Variants in CSMD1 observed in about 807,000 individuals in gnomAD.
The protein encoded by CSMD1 is CUB and Sushi multiple domains 1.
In CSMD1, 213 loss-of-function variants were observed where a neutral mutation model predicts 417.5. That is an observed-to-expected ratio of 0.51 (90% CI 0.46 to 0.57). The LOEUF (loss-of-function observed/expected upper bound fraction) is 0.57. Ranked by LOEUF, CSMD1 falls within the 20% of genes least tolerant of loss-of-function variation. The probability of loss-of-function intolerance (pLI) is 0.00; values close to 1 mark genes in which losing one functional copy is unlikely to be tolerated. For synonymous variants in CSMD1, 2,862 were observed against 1,736.8 expected (o/e 1.65, Z -16.11); for missense variants, 6,923 against 4,529.7 (o/e 1.53, Z -15.17).
At chr8:3,488,377 G>A (rs529395381) in intron 11 of CSMD1, among the ~76,000 whole-genome samples, 2 of 151,870 alleles carry the variant, frequency 1.3e-5, no homozygotes, top group Non-Finnish European at 2.9e-5. Context: ...CAAAGTTCCG[G>A]GATTATAGGC....
intron 7 of CSMD1, among the ~76,000 whole-genome samples, chr8:3,697,937 G>A (rs1379995916): frequency 6.6e-6 from 1 of 152,026 alleles, no homozygotes; most frequent in Non-Finnish European, 1.5e-5. Context: ...TTCTTTAATT[G>A]TATGCTGAAA....
intron 17 of CSMD1, among the ~76,000 whole-genome samples, chr8:3,392,030 C>G (rs1235923272): frequency 6.8e-6 from 1 of 147,648 alleles, no homozygotes; most frequent in East Asian, 2.0e-4. Context: ...ACCTCATGTT[C>G]TCACTCATAG....
intron 5 of CSMD1, among the ~76,000 whole-genome samples, chr8:3,819,963 C>G (rs542187947): frequency 7.9e-5 from 12 of 152,232 alleles, no homozygotes; most frequent in African/African-American, 2.6e-4. Context: ...TCATCGTTTC[C>G]CGAATTGCTG....
At chr8:3,496,598 A>G (rs952106454) in intron 10 of CSMD1, among the ~76,000 whole-genome samples, 6 of 152,022 alleles carry the variant, frequency 3.9e-5, no homozygotes, top group African/African-American at 1.4e-4. Flanking sequence ...GAGGCCGAGG[A>G]GGGTGGGTCA....
chr8:4,771,285 T>C (rs764346311), intron 1 of CSMD1, among the ~76,000 whole-genome samples: 2 of 152,280 alleles, frequency 1.3e-5, no homozygotes, highest in Admixed American at 1.3e-4. Flanking sequence ...ATACCAATGT[T>C]CTCTACCATA....
chr8:3,331,237 C>CAAAAAAAAAAAAAAAAAAAAA (rs112278319), intron 23 of CSMD1, among the ~76,000 whole-genome samples: 8 of 128,518 alleles, frequency 6.2e-5, no homozygotes, highest in African/African-American at 2.2e-4. Flanking sequence ...GACTCCGTCT[C>CAAAAAAAAAAAAAAAAAAAAA]AAAAAAAAAA....
At position 3,520,019 on chromosome 8, in the gene CSMD1, C is replaced by CATATATA. The variant is rs1491479503; in HGVS notation, c.1345-26294_1345-26293insTATATAT. 3.5e-3 allele frequency among the ~76,000 whole-genome samples: 395 copies of CATATATA among 114,020 alleles called. 2 individuals are homozygous for CATATATA. Among genetic ancestry groups the CATATATA allele is most frequent in the African/African-American group, 0.015 (379 of 24,734 alleles). The allele number at this position is 114,020 out of a possible 152,430, so 74.8% of individuals were successfully genotyped here. On this transcript the variant is annotated intron_variant, in intron 10 of 69. Transcript: ENST00000635120. ...ATATATATGTGTGTGTGTGTATATACCTATATATATATATATATATACACG... is the reference window on the plus strand; with the variant it reads ...ATATATATGTGTGTGTGTGTATATACATATATACTATATATATATATATATATACACG...
At chr8:3,814,630 C>T (rs914750493) in intron 5 of CSMD1, among the ~76,000 whole-genome samples, 1 of 152,152 alleles carries the variant, frequency 6.6e-6, no homozygotes, top group African/African-American at 2.4e-5. Context: ...AGAACGGCCT[C>T]CCAAACAAAG....
intron 47 of CSMD1, among the ~76,000 whole-genome samples, chr8:3,094,058 C>CA (rs1161273258): frequency 1.3e-5 from 2 of 151,644 alleles, no homozygotes; most frequent in African/African-American, 4.9e-5. Flanking sequence ...TTTTTAATGA[C>CA]AGAACTCAAG....
At chr8:3,343,505 A>C in intron 22 of CSMD1, 55 bp from the exon 23 acceptor site, 1 of 1,490,872 alleles carries the variant, frequency 6.7e-7, no homozygotes, top group Non-Finnish European at 9.2e-7. Flanking sequence ...TTCTTATGTT[A>C]GCAATGGTAA....
intron 5 of CSMD1, among the ~76,000 whole-genome samples, chr8:3,803,343 C>G (rs1800561374): frequency 6.6e-6 from 1 of 152,074 alleles, no homozygotes; most frequent in African/African-American, 2.4e-5. Flanking sequence ...CTTCAATAGA[C>G]AAGACAAGAC....
intron 4 of CSMD1, among the ~76,000 whole-genome samples, chr8:4,012,708 A>T (rs571082622): frequency 6.6e-6 from 1 of 152,296 alleles, no homozygotes; most frequent in African/African-American, 2.4e-5. Context: ...ACTCCATAGA[A>T]TGTCTAAATA....
At chr8:4,892,429 C>A (rs532962255) in intron 1 of CSMD1, among the ~76,000 whole-genome samples, 1 of 151,940 alleles carries the variant, frequency 6.6e-6, no homozygotes, top group Non-Finnish European at 1.5e-5. Context: ...CCCTCTACTG[C>A]AAATAGAGAT....
Position 4,066,487 on chromosome 8 carries a change from T to C in CSMD1, c.416-34388A>G, listed in dbSNP as rs539358503. On this transcript the variant is annotated intron_variant, in intron 3 of 69. Coordinates refer to ENST00000635120, the MANE Select transcript of CSMD1 (RefSeq NM_033225.6). ...AATAAATGATGTAAGCATTAATTAA[T>C]CTATTGACTTGATAGAAAACAATTT... Among the ~76,000 whole-genome samples, 5 of 152,332 alleles carry C rather than the reference T, an allele frequency of 3.3e-5. No homozygotes were observed. In the East Asian group the frequency reaches 9.7e-4, roughly 29 times the overall value.
At chr8:4,517,353 G>T (rs781456999) in intron 2 of CSMD1, among the ~76,000 whole-genome samples, 1 of 152,166 alleles carries the variant, frequency 6.6e-6, no homozygotes, top group Non-Finnish European at 1.5e-5. Flanking sequence ...CTAATTTGCT[G>T]TCAGTGCAGT....
In CSMD1 at chr8:4,404,148, A is replaced by C. The variant is rs543463728; in HGVS notation, c.415+15805T>G. 6.5e-4 allele frequency among the ~76,000 whole-genome samples: 99 copies of C among 152,334 alleles called. 1 individual carries two copies. Among genetic ancestry groups the C allele is most frequent in the Non-Finnish European group, 1.2e-3 (82 of 68,042 alleles). Reference sequence around the variant, plus strand: ...CGAGTGTTTATCTTTTTCTCAGCGTAGAGCTTTCCGGAACACTCTATTTAA... The same window carrying C: ...CGAGTGTTTATCTTTTTCTCAGCGTCGAGCTTTCCGGAACACTCTATTTAA... On this transcript the variant is annotated intron_variant, in intron 3 of 69. Transcript: ENST00000635120.
At chr8:3,929,725 A>C (rs1246879193) in intron 5 of CSMD1, among the ~76,000 whole-genome samples, 1 of 149,916 alleles carries the variant, frequency 6.7e-6, no homozygotes. Flanking sequence ...GCATTGGCAC[A>C]ATCTCGGCTC....
chr8:3,254,140 G>C (rs1261462035), intron 26 of CSMD1, among the ~76,000 whole-genome samples: 3 of 152,238 alleles, frequency 2.0e-5, no homozygotes, highest in African/African-American at 7.2e-5. Flanking sequence ...AGGAAGCTTA[G>C]TTTGGCCGGA....
At chr8:4,870,761 A>G (rs116963716) in intron 1 of CSMD1, among the ~76,000 whole-genome samples, 2,212 of 152,228 alleles carry the variant, frequency 0.015, 29 homozygotes, top group Non-Finnish European at 0.025. Context: ...TGCTCCATTC[A>G]GGCTGAGCAG....
Sources: allele counts gnomAD v4.1 joint callset (sites outside exome capture counted in the v4.1 genomes callset), GRCh38; gene constraint gnomAD v4.1.1; transcripts MANE v1.5; gene names NCBI Gene and HGNC (gene_info 2026-07-23, HGNC 2026-07-21).